NAV1: variants seen among roughly 807,000 people sequenced by gnomAD.
The protein encoded by NAV1 is neuron navigator 1, also known as pore membrane and/or filament interacting like protein 3.
Under a neutral mutation model 175.2 loss-of-function variants are expected in NAV1, and 18 were observed. That is an observed-to-expected ratio of 0.10 (90% CI 0.07 to 0.15). NAV1 has a LOEUF of 0.15. NAV1 is among the 10% of genes least tolerant of loss of function. The probability of loss-of-function intolerance (pLI) is 1.00; values close to 1 mark genes in which losing one functional copy is unlikely to be tolerated. For missense variants in NAV1, 1,731 were observed against 2,436.6 expected, an observed-to-expected ratio of 0.71 and a Z score of 6.10; for synonymous variants, 897 against 978.7, an observed-to-expected ratio of 0.92 and a Z score of 1.56.
At chr1:201,816,549 A>G (rs1009098769) in intron 28 of NAV1, among the ~76,000 whole-genome samples, 14 of 152,146 alleles carry the variant, frequency 9.2e-5, no homozygotes, top group African/African-American at 3.4e-4. Context: ...TAAAGTTTTA[A>G]TACAATCTGC....
chr1:201,650,754 G>T (rs1669171168), intron 1 of NAV1, among the ~76,000 whole-genome samples: 2 of 152,326 alleles, frequency 1.3e-5, no homozygotes, highest in African/African-American at 4.8e-5. Flanking sequence ...TTGGAGAACC[G>T]ATCCTTACGC....
At chr1:201,769,557 T>C in intron 3 of NAV1, among the ~76,000 whole-genome samples, 1 of 152,122 alleles carries the variant, frequency 6.6e-6, no homozygotes, top group Admixed American at 6.5e-5. Flanking sequence ...CTTTTTTTCA[T>C]GATTGATTTG....
chr1:201,753,392 C>T (rs1334970507), intron 3 of NAV1, among the ~76,000 whole-genome samples: 1 of 152,142 alleles, frequency 6.6e-6, no homozygotes, highest in Admixed American at 6.6e-5. Context: ...AATTAAATTC[C>T]GCTATCCACT....
intron 1 of NAV1, among the ~76,000 whole-genome samples, chr1:201,663,696 A>G (rs1669702606): frequency 6.6e-6 from 1 of 152,218 alleles, no homozygotes; most frequent in African/African-American, 2.4e-5. Flanking sequence ...ATGGGGGAAC[A>G]GGTGGATGGG....
intron 3 of NAV1, among the ~76,000 whole-genome samples, chr1:201,773,220 T>A (rs1009595506): frequency 4.6e-5 from 7 of 152,112 alleles, no homozygotes; most frequent in African/African-American, 1.4e-4. Flanking sequence ...GAATGTTTTT[T>A]AAAAAATACA....
chr1:201,648,390 C>G (rs1669052446), exon 1 of NAV1: 1 of 1,228,744 alleles, frequency 8.1e-7, no homozygotes, highest in African/African-American at 1.6e-5. Context: ...CCCCGCCGCC[C>G]CGCCCCTTTT....
chr1:201,745,308 A>G (rs1673700165), intron 3 of NAV1, among the ~76,000 whole-genome samples: 1 of 152,240 alleles, frequency 6.6e-6, no homozygotes, highest in Non-Finnish European at 1.5e-5. Flanking sequence ...GTCCTTAAGT[A>G]TTGAGCATAA....
At chr1:201,748,512 A>G (rs1673908367) in intron 3 of NAV1, among the ~76,000 whole-genome samples, 1 of 152,218 alleles carries the variant, frequency 6.6e-6, no homozygotes. Context: ...TCAGGGGGCA[A>G]AAGTGGCCAG....
At chr1:201,657,169 C>T (rs1669438098) in intron 1 of NAV1, among the ~76,000 whole-genome samples, 2 of 152,352 alleles carry the variant, frequency 1.3e-5, no homozygotes, top group African/African-American at 4.8e-5. Context: ...GTATCAATCA[C>T]TTGGTAAGTG....
intron 1 of NAV1, among the ~76,000 whole-genome samples, chr1:201,587,991 G>A (rs1412134817): frequency 6.6e-6 from 1 of 152,190 alleles, no homozygotes; most frequent in Non-Finnish European, 1.5e-5. Flanking sequence ...CAGCAGCTTT[G>A]GAAAACAGTT....
chr1:201,823,534 T>C (rs1679509495), exon 30 of NAV1: 1 of 152,230 alleles, frequency 6.6e-6, no homozygotes, highest in African/African-American at 2.4e-5. Context: ...TAAGTACCCA[T>C]GTCTTTTTCA....
chr1:201,657,738 T>G (rs1357207194), intron 1 of NAV1, among the ~76,000 whole-genome samples: 1 of 152,146 alleles, frequency 6.6e-6, no homozygotes, highest in Non-Finnish European at 1.5e-5. Context: ...GGCACTGAAA[T>G]ACAGGTAATC....
At chr1:201,711,032 G>A (rs1034511194) in intron 1 of NAV1, among the ~76,000 whole-genome samples, 3 of 152,310 alleles carry the variant, frequency 2.0e-5, no homozygotes, top group Non-Finnish European at 2.9e-5. Flanking sequence ...ATTTCTTGGC[G>A]AGTCTAAAAA....
chr1:201,590,560 C>G (rs1256384973), intron 2 of NAV1, among the ~76,000 whole-genome samples: 1 of 152,226 alleles, frequency 6.6e-6, no homozygotes, highest in South Asian at 2.1e-4. Flanking sequence ...TGGTCCCTGG[C>G]AACCCCTGGC....
At chr1:201,550,504 A>G (rs1476707005) in intron 1 of NAV1, among the ~76,000 whole-genome samples, 2 of 152,228 alleles carry the variant, frequency 1.3e-5, no homozygotes, top group Admixed American at 6.5e-5. Context: ...TTTGGTTATC[A>G]GCAATTCATT....
At chr1:201,641,859 A>G (rs1015623544) in intron 2 of NAV1, among the ~76,000 whole-genome samples, 1 of 152,052 alleles carries the variant, frequency 6.6e-6, no homozygotes, top group African/African-American at 2.4e-5. Context: ...GTATGGGCTC[A>G]TGTGCCCCCT....
intron 2 of NAV1, among the ~76,000 whole-genome samples, chr1:201,635,975 T>A (rs977532754): frequency 6.6e-6 from 1 of 152,216 alleles, no homozygotes; most frequent in Non-Finnish European, 1.5e-5. Context: ...GTTACAAGTT[T>A]CAGCTATGGG....
chr1:201,561,542 G>C (rs531731735), intron 1 of NAV1, among the ~76,000 whole-genome samples: 4 of 152,194 alleles, frequency 2.6e-5, no homozygotes, highest in Non-Finnish European at 5.9e-5. Context: ...ATAGTAGCTG[G>C]CATATGCTAG....
chr1:201,658,636 C>T (rs1029339624), intron 1 of NAV1, among the ~76,000 whole-genome samples: 1 of 152,068 alleles, frequency 6.6e-6, no homozygotes, highest in Non-Finnish European at 1.5e-5. Context: ...CACTGGGACT[C>T]AACTGTAGGC....
Sources: gnomAD v4.1 joint callset for allele counts (sites outside exome capture counted in the v4.1 genomes callset) on GRCh38, gnomAD v4.1.1 for gene constraint, MANE v1.5 for transcripts, NCBI Gene and HGNC (gene_info 2026-07-23, HGNC 2026-07-21) for gene names.